GPC6: variants seen among roughly 807,000 people sequenced by gnomAD.
GPC6 encodes glypican 6.
A neutral mutation model predicts 55.2 loss-of-function variants in GPC6; 14 were observed. The observed-to-expected ratio is 0.25, with a 90% CI of 0.17 to 0.40. GPC6 has a LOEUF of 0.40. Ranked by LOEUF, GPC6 falls within the 10% of genes least tolerant of loss-of-function variation. The pLI, the probability that GPC6 is intolerant of heterozygous loss-of-function variation, is 1.00. For synonymous variants in GPC6, 278 were observed against 259.6 expected, an observed-to-expected ratio of 1.07 and a Z score of -0.68; for missense variants, 641 against 708.5, an observed-to-expected ratio of 0.90 and a Z score of 1.08.
At chr13:93,627,586 C>T (rs1460755850) in intron 2 of GPC6, among the ~76,000 whole-genome samples, 1 of 152,178 alleles carries the variant, frequency 6.6e-6, no homozygotes, top group Non-Finnish European at 1.5e-5. Context: ...ATGACCACTT[C>T]TATAAGTACG....
intron 1 of GPC6, among the ~76,000 whole-genome samples, chr13:93,294,012 A>G (rs1397904164): frequency 6.6e-6 from 1 of 151,902 alleles, no homozygotes. Flanking sequence ...GAGAATAAGA[A>G]CTTTGTCACA....
At chr13:93,535,639 G>T (rs2139418994) in intron 1 of GPC6, among the ~76,000 whole-genome samples, 1 of 151,054 alleles carries the variant, frequency 6.6e-6, no homozygotes, top group South Asian at 2.1e-4. Flanking sequence ...CAGAAAAATA[G>T]GTGATGGACT....
chr13:93,593,570 T>A (rs1877584916), intron 2 of GPC6, among the ~76,000 whole-genome samples: 1 of 152,142 alleles, frequency 6.6e-6, no homozygotes, highest in Non-Finnish European at 1.5e-5. Flanking sequence ...TTGATAAAAG[T>A]GCATGTGTAT....
intron 4 of GPC6, among the ~76,000 whole-genome samples, chr13:94,258,279 C>T (rs909557270): frequency 6.6e-5 from 10 of 152,110 alleles, no homozygotes; most frequent in African/African-American, 9.7e-5. Flanking sequence ...TCCCCGGGGC[C>T]GACAAACATT....
intron 4 of GPC6, among the ~76,000 whole-genome samples, chr13:94,124,353 C>T (rs898813423): frequency 6.6e-6 from 1 of 152,070 alleles, no homozygotes; most frequent in Non-Finnish European, 1.5e-5. Context: ...TTCCAAAAAG[C>T]CCATCATGCA....
At chr13:93,502,364 A>T (rs1161017883) in intron 1 of GPC6, among the ~76,000 whole-genome samples, 1 of 152,106 alleles carries the variant, frequency 6.6e-6, no homozygotes, top group Non-Finnish European at 1.5e-5. Context: ...TGTAAATAAC[A>T]ATATTTTAAA....
intron 5 of GPC6, among the ~76,000 whole-genome samples, chr13:94,305,384 T>A (rs900129141): frequency 2.8e-4 from 43 of 152,240 alleles, no homozygotes; most frequent in African/African-American, 1.0e-3. Context: ...TAACTCAGGC[T>A]TGAAGTTTGT....
intron 4 of GPC6, among the ~76,000 whole-genome samples, chr13:94,226,866 C>G (rs898807455): frequency 1.3e-5 from 2 of 152,170 alleles, no homozygotes; most frequent in Non-Finnish European, 2.9e-5. Context: ...CATTCAGTGA[C>G]TAGAGTTCTG....
At chr13:93,611,205 T>C (rs1878447635) in intron 2 of GPC6, among the ~76,000 whole-genome samples, 1 of 152,168 alleles carries the variant, frequency 6.6e-6, no homozygotes, top group African/African-American at 2.4e-5. Context: ...AAATTCTGGC[T>C]TAACTTTTGA....
intron 6 of GPC6, among the ~76,000 whole-genome samples, chr13:94,357,109 C>T (rs1878836719): frequency 1.3e-5 from 2 of 152,094 alleles, no homozygotes; most frequent in South Asian, 4.2e-4. Flanking sequence ...TGTTCTAGCA[C>T]CCTTCAATGA....
intron 2 of GPC6, among the ~76,000 whole-genome samples, chr13:93,580,249 A>G (rs1876871596): frequency 6.6e-6 from 1 of 152,196 alleles, no homozygotes; most frequent in Non-Finnish European, 1.5e-5. Flanking sequence ...TTATGAGGGT[A>G]CTAATCTCAT....
At chr13:93,912,239 G>C (rs1044197643) in intron 3 of GPC6, among the ~76,000 whole-genome samples, 1 of 152,060 alleles carries the variant, frequency 6.6e-6, no homozygotes, top group African/African-American at 2.4e-5. Flanking sequence ...TGTTTTGCTT[G>C]GAATGTTTAT....
chr13:93,992,640 T>C (rs1271968897), intron 3 of GPC6, among the ~76,000 whole-genome samples: 1 of 152,150 alleles, frequency 6.6e-6, no homozygotes, highest in Non-Finnish European at 1.5e-5. Flanking sequence ...CAGGGGCAAA[T>C]CAATGCAAGA....
At chr13:94,210,550 C>G (rs1466155860) in intron 4 of GPC6, among the ~76,000 whole-genome samples, 1 of 152,046 alleles carries the variant, frequency 6.6e-6, no homozygotes, top group Non-Finnish European at 1.5e-5. Flanking sequence ...AAGAATATGT[C>G]ATATATACAT....
At chr13:93,423,168 A>G (rs145549600) in intron 1 of GPC6, among the ~76,000 whole-genome samples, 2 of 152,318 alleles carry the variant, frequency 1.3e-5, no homozygotes, top group East Asian at 3.9e-4. Flanking sequence ...TTAAGGAATA[A>G]ATTAAACAAT....
intron 3 of GPC6, among the ~76,000 whole-genome samples, chr13:93,943,274 A>G (rs991339754): frequency 6.6e-6 from 1 of 152,156 alleles, no homozygotes; most frequent in African/African-American, 2.4e-5. Context: ...GATGGGGAGT[A>G]GGGTCTAAAG....
chr13:93,992,795 A>C (rs558576678), intron 3 of GPC6, among the ~76,000 whole-genome samples: 5 of 152,322 alleles, frequency 3.3e-5, no homozygotes, highest in African/African-American at 9.6e-5. Context: ...TCACTTATAA[A>C]TTTAAAAGGA....
intron 1 of GPC6, among the ~76,000 whole-genome samples, chr13:93,427,351 T>C (rs1322829542): frequency 1.3e-5 from 2 of 151,522 alleles, no homozygotes; most frequent in Non-Finnish European, 2.9e-5. Flanking sequence ...CTTCAAACTA[T>C]ACTACAAGGC....
At chr13:93,230,541 G>A (rs1875970157) in intron 1 of GPC6, among the ~76,000 whole-genome samples, 1 of 152,078 alleles carries the variant, frequency 6.6e-6, no homozygotes, top group Admixed American at 6.5e-5. Flanking sequence ...TCCCCTTTCA[G>A]CAATCCATTC....
Sources: allele counts gnomAD v4.1 joint callset (sites outside exome capture counted in the v4.1 genomes callset), GRCh38; gene constraint gnomAD v4.1.1; transcripts MANE v1.5; gene names NCBI Gene and HGNC (gene_info 2026-07-23, HGNC 2026-07-21).